Variants in PCDHGA7 observed in about 807,000 individuals in gnomAD.
PCDHGA7 encodes protocadherin gamma subfamily A, 7, also known as protocadherin gamma-A7.
PCDHGA7 carries 44 observed loss-of-function variants against 58.3 expected under a neutral mutation model. The observed-to-expected ratio is 0.75, with a 90% CI of 0.59 to 0.97. The LOEUF is 0.97. PCDHGA7 is among the 50% of genes least tolerant of loss of function. The probability of loss-of-function intolerance (pLI) is 0.00; values close to 1 mark genes in which losing one functional copy is unlikely to be tolerated. For synonymous variants in PCDHGA7, 516 were observed against 504.2 expected, an observed-to-expected ratio of 1.02 and a Z score of -0.31; for missense variants, 1,266 against 1,188.7, an observed-to-expected ratio of 1.06 and a Z score of -0.96.
At chr5:141,428,358 G>A in intron 1 of PCDHGA7, 2 of 565,492 alleles carry the variant, frequency 3.5e-6, no homozygotes, top group South Asian at 1.9e-5. Context: ...TGATTTTGGC[G>A]GTCGCCTTGC....
Position 141,450,631 on chromosome 5 carries a change from T to C in PCDHGA7, c.2425-44176T>C, listed in dbSNP as rs554043866. 6.1e-5 allele frequency among the ~76,000 whole-genome samples: 9 copies of C among 148,320 alleles called. No homozygotes were observed. In the East Asian group the frequency reaches 1.9e-3, roughly 31 times the overall value. Reference sequence around the variant, plus strand: ...CCTCCTGAGTAGCTGGGATTACAGATGCCTGCCACCATGCCTGGCTAATTT... The same window carrying C: ...CCTCCTGAGTAGCTGGGATTACAGACGCCTGCCACCATGCCTGGCTAATTT... On this transcript the variant is annotated intron_variant, in intron 1 of 3. Transcript: ENST00000518325.
intron 1 of PCDHGA7, chr5:141,413,675 G>C (rs773300658): frequency 6.2e-7 from 1 of 1,613,826 alleles, no homozygotes; most frequent in Non-Finnish European, 8.5e-7. Context: ...CCGGATGTGG[G>C]CGTGAACTCC....
chr5:141,467,284 C>T (rs2099140788), intron 1 of PCDHGA7, among the ~76,000 whole-genome samples: 1 of 152,080 alleles, frequency 6.6e-6, no homozygotes, highest in Non-Finnish European at 1.5e-5. Context: ...AACTCTTGAC[C>T]TCAAGTGATC....
intron 1 of PCDHGA7, chr5:141,400,053 G>C: frequency 6.2e-7 from 1 of 1,613,736 alleles, no homozygotes; most frequent in Non-Finnish European, 8.5e-7. Flanking sequence ...TGGTTGCTGT[G>C]CGTGATGGTG....
At position 141,485,275 on chromosome 5, in the gene PCDHGA7, G is replaced by A. The variant is rs77402299; in HGVS notation, c.2425-9532G>A. The A allele has an allele frequency of 8.7e-6, 14 of 1,613,954 alleles. No homozygotes were observed. In the African/African-American group the frequency reaches 1.1e-4, roughly 12 times the overall value. ...ACGTTTGTGGGCAGATCCGCTACCC[G>A]GTCCCAGAGGAGTCACAGGAAGGGA... On this transcript the variant is annotated intron_variant, in intron 1 of 3. Transcript: ENST00000518325. The surrounding 1 kb of genome is among the most constrained non-coding windows in gnomAD (Gnocchi z 5.7).
intron 1 of PCDHGA7, chr5:141,404,260 T>G: frequency 6.2e-7 from 1 of 1,613,910 alleles, no homozygotes; most frequent in Non-Finnish European, 8.5e-7. Context: ...CCACAGAAAT[T>G]CACATCACCC....
intron 3 of PCDHGA7, 125 bp downstream of exon 3, chr5:141,505,606 C>G: frequency 6.5e-7 from 1 of 1,528,642 alleles, no homozygotes; most frequent in Non-Finnish European, 8.8e-7. Flanking sequence ...TTCGGCAGGT[C>G]TGAAAGGACC....
At position 141,487,570 on chromosome 5, in the gene PCDHGA7, T is replaced by A; in HGVS notation, c.2425-7237T>A. 6.2e-7 allele frequency: 1 copy of A among 1,614,178 alleles called. No homozygotes were observed. On this transcript the variant is annotated intron_variant, in intron 1 of 3. Transcript: ENST00000518325. The surrounding 1 kb of genome is among the most constrained non-coding windows in gnomAD (Gnocchi z 5.0). ...CCAGTGCACCTATGGCAGGGGAGCCTGTTCGCCCAAGCTGCCCACCCTCTG... is the reference window on the plus strand; with the variant it reads ...CCAGTGCACCTATGGCAGGGGAGCCAGTTCGCCCAAGCTGCCCACCCTCTG...
Position 141,382,839 on chromosome 5 carries a change from T to C in PCDHGA7, c.-61T>C, listed in dbSNP as rs11575957. On this transcript the variant is annotated 5_prime_UTR_variant, in exon 1 of 4. Coordinates refer to ENST00000518325, the MANE Select transcript of PCDHGA7 (RefSeq NM_018920.4). ...CCTAAGACAGAGGGGTCCACCCGGATACACCCGCATTCTGAAGCACTTCCC... is the reference window on the plus strand; with the variant it reads ...CCTAAGACAGAGGGGTCCACCCGGACACACCCGCATTCTGAAGCACTTCCC... The C allele has an allele frequency of 5.0e-3, 7,225 of 1,450,218 alleles. 38 individuals are homozygous for C. Among genetic ancestry groups the C allele is most frequent in the Admixed American group, 9.6e-3 (425 of 44,246 alleles). 89.8% of individuals were successfully genotyped at this position (1,450,218 alleles called of 1,614,324 possible).
intron 1 of PCDHGA7, among the ~76,000 whole-genome samples, chr5:141,473,195 C>T (rs1053769499): frequency 6.6e-6 from 1 of 152,104 alleles, no homozygotes; most frequent in African/African-American, 2.4e-5. Flanking sequence ...GTAAATGTAT[C>T]TTCTAAAAAA....
intron 1 of PCDHGA7, among the ~76,000 whole-genome samples, chr5:141,420,742 A>T (rs967908996): frequency 6.6e-6 from 1 of 152,254 alleles, no homozygotes; most frequent in African/African-American, 2.4e-5. Flanking sequence ...AATCAATTGG[A>T]ACCAACTACA....
At chr5:141,488,660 G>A (rs1274725688) in intron 1 of PCDHGA7, among the ~76,000 whole-genome samples, 1 of 152,148 alleles carries the variant, frequency 6.6e-6, no homozygotes, top group East Asian at 1.9e-4. Flanking sequence ...GGGAGGGTGG[G>A]GGAATACATG....
intron 3 of PCDHGA7, among the ~76,000 whole-genome samples, chr5:141,506,444 C>T (rs542906499): frequency 2.1e-5 from 2 of 95,022 alleles, no homozygotes; most frequent in South Asian, 3.6e-4. Flanking sequence ...CGCTCTGTCT[C>T]AAAAAAAAAA....
chr5:141,408,345 G>A (rs370026579), intron 1 of PCDHGA7: 3 of 1,613,812 alleles, frequency 1.9e-6, no homozygotes, highest in Non-Finnish European at 2.5e-6. Context: ...TCGGTGGTGG[G>A]GAACCTCGCT....
chr5:141,489,363 G>T lies in PCDHGA7; in HGVS notation c.2425-5444G>T, dbSNP rs767837736. 20 of 1,613,114 alleles carry T rather than the reference G, an allele frequency of 1.2e-5. No homozygotes were observed. Among genetic ancestry groups the T allele is most frequent in the Non-Finnish European group, 1.7e-5 (20 of 1,179,354 alleles). ...ACTCAGTGGTGGAGGAGTCTGAGCCGGGGACGCTGGTGGGGAATGTTGCTC... is the reference window on the plus strand; with the variant it reads ...ACTCAGTGGTGGAGGAGTCTGAGCCTGGGACGCTGGTGGGGAATGTTGCTC... On this transcript the variant is annotated intron_variant, in intron 1 of 3. Transcript: ENST00000518325. The surrounding 1 kb of genome is among the most constrained non-coding windows in gnomAD (Gnocchi z 4.5).
At chr5:141,503,802 G>A (rs2099831646) in intron 2 of PCDHGA7, among the ~76,000 whole-genome samples, 1 of 151,998 alleles carries the variant, frequency 6.6e-6, no homozygotes, top group South Asian at 2.1e-4. Context: ...CTTAGGGACG[G>A]GGAATCCCAG....
intron 2 of PCDHGA7, 47 bp from the exon 3 acceptor site, chr5:141,505,346 C>G: frequency 4.3e-6 from 7 of 1,612,970 alleles, no homozygotes; most frequent in Non-Finnish European, 5.9e-6. Context: ...GGGGCATGAG[C>G]TGTGCCGGCC....
intron 1 of PCDHGA7, among the ~76,000 whole-genome samples, chr5:141,448,614 A>G (rs985924011): frequency 1.3e-5 from 2 of 152,070 alleles, no homozygotes; most frequent in East Asian, 1.9e-4. Flanking sequence ...ACCACTTTAT[A>G]TCTTCCTTTC....
chr5:141,453,288 A>G (rs931678565), intron 1 of PCDHGA7, among the ~76,000 whole-genome samples: 1 of 151,342 alleles, frequency 6.6e-6, no homozygotes, highest in Non-Finnish European at 1.5e-5. Context: ...TAATTTTTTA[A>G]TTATTTATTT....
Sources: allele counts gnomAD v4.1 joint callset (sites outside exome capture counted in the v4.1 genomes callset), GRCh38; gene constraint gnomAD v4.1.1; non-coding constraint Gnocchi (gnomAD v3.1); transcripts MANE v1.5; gene names NCBI Gene and HGNC (gene_info 2026-07-23, HGNC 2026-07-21).